POLR2M: variants seen among roughly 807,000 people sequenced by gnomAD.
POLR2M encodes protein GRINL1A.
POLR2M carries 30 observed loss-of-function variants against 34.6 expected under a neutral mutation model. The observed-to-expected ratio is 0.87, with a 90% CI of 0.65 to 1.18. The LOEUF is 1.18. Ranked by LOEUF, POLR2M falls within the 50% of genes most tolerant of loss-of-function variation. The probability of loss-of-function intolerance (pLI) is 0.00; values close to 1 mark genes in which losing one functional copy is unlikely to be tolerated. For synonymous variants in POLR2M, 150 were observed against 166.7 expected (o/e 0.90, Z 0.77); for missense variants, 432 against 448.7 (o/e 0.96, Z 0.34).
intron 2 of POLR2M, 128 bp downstream of exon 2, chr15:57,709,486 A>C (rs1482635224): frequency 1.8e-6 from 2 of 1,121,266 alleles, no homozygotes; most frequent in Non-Finnish European, 2.5e-6. Flanking sequence ...AGGTGGGAAG[A>C]CAGCTTTGAG....
rs1417287459 is a variant in POLR2M at position 57,714,425 on chromosome 15, C to T, written c.964-111C>T. On this transcript the variant is annotated intron_variant, in intron 3 of 3. Transcript: ENST00000299638. Reference sequence around the variant, plus strand: ...GGCTTGTATTGCCCAAGGGAGCACTCAGTGAGGTGTCAGTGTCCCTCTTAT... The same window carrying T: ...GGCTTGTATTGCCCAAGGGAGCACTTAGTGAGGTGTCAGTGTCCCTCTTAT... 3.2e-6 allele frequency: 5 copies of T among 1,538,796 alleles called. No individual in the cohort carries two copies. In the African/African-American group the frequency reaches 4.1e-5, roughly 13 times the overall value.
intron 3 of POLR2M, 47 bp downstream of exon 3, chr15:57,712,235 C>T (rs1018635992): frequency 6.5e-5 from 104 of 1,602,346 alleles, no homozygotes; most frequent in Non-Finnish European, 8.8e-5. Flanking sequence ...GTGCTGCTTA[C>T]ATAAGCTAGA....
chr15:57,706,953 C>A lies in POLR2M; in HGVS notation c.111C>A (p.Asn37Lys), dbSNP rs766395813. Residue 37 changes from asparagine (N) to lysine (K), a missense_variant and splice_region_variant, in exon 1 of 4, where the codon AAC becomes AAA. Asn to Lys is a moderately conservative substitution (Grantham distance 94). Coordinates refer to ENST00000299638, the MANE Select transcript of POLR2M (RefSeq NM_015532.5). ...MLKRQERLLR[N>K]EKFICKLPDK... ...AGCGCCAGGAGAGACTTTTGCGCAA[C>A]GAGTAAGCTGGGGTCCCGCGGAGTC... 11 of 1,594,908 alleles carry A rather than the reference C, an allele frequency of 6.9e-6. No individual in the cohort carries two copies. Among genetic ancestry groups the A allele is most frequent in the Non-Finnish European group, 9.4e-6 (11 of 1,170,622 alleles).
chr15:57,712,596 T>C (rs1436996425), intron 3 of POLR2M, among the ~76,000 whole-genome samples: 1 of 152,156 alleles, frequency 6.6e-6, no homozygotes, highest in African/African-American at 2.4e-5. Context: ...TTCCCAGGCT[T>C]CCATCTTCTG....
rs746401161 is a variant in POLR2M, at chr15:57,708,746, A to G, written c.146A>G (p.Lys49Arg). 1.2e-6 allele frequency: 2 copies of G among 1,601,410 alleles called. No homozygotes were observed. The highest frequency in any genetic ancestry group is 2.7e-5 in the African/African-American group (2 of 74,188). The change falls in exon 2 of 4, where the codon AAA becomes AGA. Residue 49 changes from lysine to arginine, a missense_variant. By Grantham distance (26) the Lys-to-Arg change is conservative. Coordinates refer to ENST00000299638, the MANE Select transcript of POLR2M (RefSeq NM_015532.5). ...KFICKLPDKG[K>R]KIFDSFAKLK... ...ATTTGCAAATTGCCCGACAAAGGTA[A>G]AAAGATCTTTGACTCTTTTGCCAAA...
intron 3 of POLR2M, among the ~76,000 whole-genome samples, chr15:57,713,404 T>C (rs2040817883): frequency 6.6e-6 from 1 of 150,646 alleles, no homozygotes; most frequent in Admixed American, 6.6e-5. Context: ...TATTTTTAGG[T>C]TGAATTAAAC....
intron 3 of POLR2M, 41 bp downstream of exon 3, chr15:57,712,229 T>A: frequency 6.2e-7 from 1 of 1,607,394 alleles, no homozygotes; most frequent in East Asian, 2.2e-5. Context: ...TGTTGGGTGC[T>A]GCTTACATAA....
In POLR2M at chr15:57,716,225, T is replaced by C. The variant is rs1320771086; in HGVS notation, c.*1546T>C. The stretch of plus-strand genomic sequence containing the variant: ...GTCTGCTCTATATATTGTCAATATG[T>C]TCCCATATTAAATATTTTGCTTTTT... On this transcript the variant is annotated 3_prime_UTR_variant, in exon 4 of 4. Coordinates refer to ENST00000299638, the MANE Select transcript of POLR2M (RefSeq NM_015532.5). 1 of 152,278 alleles carries C rather than the reference T, an allele frequency of 6.6e-6. No individual in the cohort carries two copies. Among genetic ancestry groups the C allele is most frequent in the African/African-American group, 2.4e-5 (1 of 41,478 alleles). The allele number at this position is 152,278 out of a possible 1,614,324, so 9.4% of individuals were successfully genotyped here. A position where few individuals can be genotyped will look rare whatever the true frequency, so the allele number is the denominator to read the frequency against.
chr15:57,709,444 T>A, intron 2 of POLR2M, 86 bp downstream of exon 2: 2 of 1,471,948 alleles, frequency 1.4e-6, no homozygotes, highest in Non-Finnish European at 1.8e-6. Context: ...GTGGTGGTGC[T>A]TGCCTGTAGT....
In POLR2M at chr15:57,714,799, G is replaced by A; in HGVS notation, c.*120G>A. On this transcript the variant is annotated 3_prime_UTR_variant, in exon 4 of 4. Coordinates refer to ENST00000299638, the MANE Select transcript of POLR2M (RefSeq NM_015532.5). ...AGTAATTTTATAAAGTTACACAAAGGTAGTTATAAAAAAAGCCCAGTTTGT... is the reference window on the plus strand; with the variant it reads ...AGTAATTTTATAAAGTTACACAAAGATAGTTATAAAAAAAGCCCAGTTTGT... 6.1e-6 allele frequency: 9 copies of A among 1,476,680 alleles called. No individual in the cohort carries two copies. Among genetic ancestry groups the A allele is most frequent in the Non-Finnish European group, 8.1e-6 (9 of 1,106,328 alleles). 91.5% of individuals were successfully genotyped at this position (1,476,680 alleles called of 1,614,324 possible). A position where few individuals can be genotyped will look rare whatever the true frequency, so the allele number is the denominator to read the frequency against.
At position 57,714,449 on chromosome 15, in the gene POLR2M, A is replaced by C. The variant is rs1286171630; in HGVS notation, c.964-87A>C. On this transcript the variant is annotated intron_variant, in intron 3 of 3. Coordinates refer to ENST00000299638, the MANE Select transcript of POLR2M (RefSeq NM_015532.5). ...TCAGTGAGGTGTCAGTGTCCCTCTT[A>C]TTGCTGATTCTAGGTAACTTCCCAT... 3 of 1,574,542 alleles carry C rather than the reference A, an allele frequency of 1.9e-6. No homozygotes were observed. The African/African-American group carries it at 4.1e-5, about 21-fold the overall frequency.
Position 57,716,855 on chromosome 15 carries a change from G to A in POLR2M, c.*2176G>A, listed in dbSNP as rs1400664959. ...TTTAGGAGTCTACCTTTGTGTATGT[G>A]CTTGAAAGTATTTTTGTAATCCAAG... is the stretch of plus-strand genomic sequence containing the variant. On this transcript the variant is annotated 3_prime_UTR_variant, in exon 4 of 4. Transcript: ENST00000299638. 6 of 152,092 alleles carry A rather than the reference G, an allele frequency of 3.9e-5. No homozygotes were observed. The highest frequency in any genetic ancestry group is 8.8e-5 in the Non-Finnish European group (6 of 67,996). 9.4% of individuals were successfully genotyped at this position (152,092 alleles called of 1,614,324 possible).
rs1300373097 is a variant in POLR2M at position 57,707,305 on chromosome 15, G to C, written c.113+350G>C. The C allele has an allele frequency of 1.3e-5, 10 of 741,134 alleles. No homozygotes were observed. The East Asian group carries it at 1.6e-4, about 12-fold the overall frequency. 45.9% of individuals were successfully genotyped at this position (741,134 alleles called of 1,614,324 possible). Reference sequence around the variant, plus strand: ...ACCCCTAACCCATAACAGATTGTCAGCTTCATCTCTGGATTCTAAGCTTAC... The same window carrying C: ...ACCCCTAACCCATAACAGATTGTCACCTTCATCTCTGGATTCTAAGCTTAC... On this transcript the variant is annotated intron_variant, in intron 1 of 3. Transcript: ENST00000299638.
rs1363308083 is a variant in POLR2M at position 57,717,467 on chromosome 15, C to CT, written c.*2792dup. 1.3e-5 allele frequency: 2 copies of CT among 152,098 alleles called. No individual in the cohort carries two copies. The highest frequency in any genetic ancestry group is 2.9e-5 in the Non-Finnish European group (2 of 68,030). The allele number at this position is 152,098 out of a possible 1,614,324, so 9.4% of individuals were successfully genotyped here. On this transcript the variant is annotated 3_prime_UTR_variant, in exon 4 of 4. Coordinates refer to ENST00000299638, the MANE Select transcript of POLR2M (RefSeq NM_015532.5). ...GACGTATGGTAATTCTCCCTCTGTC[C>CT]TTTTAAGAATTATTTTACCAGTTAT...
At position 57,709,206 on chromosome 15, in the gene POLR2M, G is replaced by A. The variant is rs139384982; in HGVS notation, c.606G>A (p.Ala202=). The A allele has an allele frequency of 2.1e-5, 34 of 1,614,154 alleles. No individual in the cohort carries two copies. Among genetic ancestry groups the A allele is most frequent in the African/African-American group, 2.0e-4 (15 of 75,034 alleles). ...FIDRLQRITI[A]DQGEQQSEEN... ...ACAGGTTACAGAGGATCACCATTGCGGACCAAGGTGAACAACAGTCAGAAG... is the reference window on the plus strand; with the variant it reads ...ACAGGTTACAGAGGATCACCATTGCAGACCAAGGTGAACAACAGTCAGAAG... Residue 202 remains alanine, a synonymous_variant, in exon 2 of 4, where the codon GCG becomes GCA. Coordinates refer to ENST00000299638, the MANE Select transcript of POLR2M (RefSeq NM_015532.5).
intron 3 of POLR2M, 44 bp from the exon 4 acceptor site, chr15:57,714,492 G>A: frequency 6.2e-7 from 1 of 1,604,970 alleles, no homozygotes; most frequent in Non-Finnish European, 8.5e-7. Context: ...TTGTAAGGAA[G>A]AGATGTGAAC....
At chr15:57,713,363 G>C (rs564252490) in intron 3 of POLR2M, among the ~76,000 whole-genome samples, 1 of 152,144 alleles carries the variant, frequency 6.6e-6, no homozygotes, top group South Asian at 2.1e-4. Context: ...AGTGTTTACT[G>C]TCTCTGAGCT....
Position 57,714,571 on chromosome 15 carries a change from T to C in POLR2M, c.999T>C (p.Ala333=), listed in dbSNP as rs2040868719. 11 of 1,613,758 alleles carry C rather than the reference T, an allele frequency of 6.8e-6. No homozygotes were observed. Among genetic ancestry groups the C allele is most frequent in the Non-Finnish European group, 9.3e-6 (11 of 1,179,860 alleles). Residue 333 remains alanine, a synonymous_variant, in exon 4 of 4, where the codon GCT becomes GCC. Transcript: ENST00000299638. ...MQAKLAAQKL[A]ERLNIKMRSY... is the part of the protein sequence containing the mutation. ...CAAAGCTCGCAGCGCAAAAATTAGC[T>C]GAAAGACTGAATATTAAAATGCGGA...
chr15:57,713,197 C>CAAAA lies in POLR2M; in HGVS notation c.963+1017_963+1020dup, dbSNP rs10656680. ...TGGGTGACAGAGTGAGACCCTGTCT[C>CAAAA]AAAAAAAAAAACAACAAAACAGGCT... On this transcript the variant is annotated intron_variant, in intron 3 of 3. Coordinates refer to ENST00000299638, the MANE Select transcript of POLR2M (RefSeq NM_015532.5). Among the ~76,000 whole-genome samples, 284 of 145,656 alleles carry CAAAA rather than the reference C, an allele frequency of 1.9e-3. 3 individuals carry two copies. The highest frequency in any genetic ancestry group is 5.2e-3 in the South Asian group (24 of 4,588).
Sources: allele counts gnomAD v4.1 joint callset (sites outside exome capture counted in the v4.1 genomes callset), GRCh38; gene constraint gnomAD v4.1.1; transcripts MANE v1.5; gene names NCBI Gene and HGNC (gene_info 2026-07-23, HGNC 2026-07-21).